The following SEL1L3 variants were observed in gnomAD, a reference collection of about 807,000 sequenced individuals.
The protein encoded by SEL1L3 is protein sel-1 homolog 3.
In SEL1L3, 76 loss-of-function variants were observed where a neutral mutation model predicts 142.8. The ratio of observed to expected loss-of-function variants is 0.53; its 90% confidence interval spans 0.44 to 0.64. The LOEUF is 0.64. Among genes scored for constraint, SEL1L3 ranks in the 30% least tolerant of loss-of-function variants. The pLI is 0.00. For missense variants in SEL1L3, 1,262 were observed against 1,381.7 expected (o/e 0.91, Z 1.37); for synonymous variants, 504 against 519.6 (o/e 0.97, Z 0.41).
At chr4:25,809,637 C>A (rs970403266) in intron 9 of SEL1L3, among the ~76,000 whole-genome samples, 1 of 152,074 alleles carries the variant, frequency 6.6e-6, no homozygotes, top group African/African-American at 2.4e-5. Context: ...TTCTTCTTTT[C>A]CTTCCCTCCT....
At chr4:25,764,196 T>C (rs192906310) in intron 20 of SEL1L3, among the ~76,000 whole-genome samples, 1 of 152,274 alleles carries the variant, frequency 6.6e-6, no homozygotes, top group Admixed American at 6.5e-5. Context: ...ACAAGCATTC[T>C]TCAAGTATCA....
intron 1 of SEL1L3, among the ~76,000 whole-genome samples, chr4:25,851,952 G>C (rs911973445): frequency 2.0e-5 from 3 of 151,082 alleles, no homozygotes; most frequent in African/African-American, 7.3e-5. Flanking sequence ...AGAGGGAATA[G>C]GAGAAGAGCT....
At chr4:25,823,865 C>T (rs1714927499) in intron 6 of SEL1L3, among the ~76,000 whole-genome samples, 2 of 152,114 alleles carry the variant, frequency 1.3e-5, no homozygotes, top group African/African-American at 2.4e-5. Context: ...AGGGTTATTT[C>T]AGAACGAGGG....
intron 9 of SEL1L3, among the ~76,000 whole-genome samples, chr4:25,808,596 C>T (rs1713762906): frequency 6.6e-6 from 1 of 151,966 alleles, no homozygotes; most frequent in Non-Finnish European, 1.5e-5. Flanking sequence ...AGGTGTAATG[C>T]ATCCAAGGTA....
chr4:25,788,157 C>G lies in SEL1L3; in HGVS notation c.2217+67G>C. ...ATCGACTCCCTGTTTGCCAGCCCGC[C>G]CACAGGAAACTGCTCAGGAGTCTGA... On this transcript the variant is annotated intron_variant, in intron 13 of 23. Coordinates refer to ENST00000399878, the MANE Select transcript of SEL1L3 (RefSeq NM_015187.5). The surrounding 1 kb of genome is among the most constrained non-coding windows in gnomAD (Gnocchi z 5.3). 2.0e-6 allele frequency: 3 copies of G among 1,537,756 alleles called. No homozygotes were observed. The highest frequency in any genetic ancestry group is 8.9e-7 in the Non-Finnish European group (1 of 1,126,232).
intron 23 of SEL1L3, among the ~76,000 whole-genome samples, chr4:25,757,100 T>TCTA (rs1363298971): frequency 6.6e-6 from 1 of 151,876 alleles, no homozygotes. Context: ...AAACCCCGTC[T>TCTA]CTACTAAAAA....
intron 1 of SEL1L3, among the ~76,000 whole-genome samples, chr4:25,858,301 G>A (rs557123467): frequency 2.0e-5 from 3 of 152,312 alleles, no homozygotes; most frequent in African/African-American, 7.2e-5. Flanking sequence ...GTTGATGTGA[G>A]GTTTGGGGAT....
rs185637772 is a variant in SEL1L3, at chr4:25,828,575, G to A, written c.1157+1523C>T. 3.0e-3 allele frequency among the ~76,000 whole-genome samples: 449 copies of A among 151,786 alleles called. 4 individuals carry two copies. Among genetic ancestry groups the A allele is most frequent in the African/African-American group, 9.4e-3 (391 of 41,376 alleles). Reference sequence around the variant, plus strand: ...AATTTTTTTATTTTTAGTAGAGATGGGGGTTTCACTATGTTGACCAGGCTG... The same window carrying A: ...AATTTTTTTATTTTTAGTAGAGATGAGGGTTTCACTATGTTGACCAGGCTG... On this transcript the variant is annotated intron_variant, in intron 6 of 23. Transcript: ENST00000399878.
chr4:25,828,802 G>A (rs562247101), intron 6 of SEL1L3, among the ~76,000 whole-genome samples: 9 of 152,144 alleles, frequency 5.9e-5, no homozygotes, highest in Admixed American at 3.9e-4. Flanking sequence ...TGGGTTGTGC[G>A]GGACTCTGCG....
intron 19 of SEL1L3, 132 bp downstream of exon 19, chr4:25,767,393 A>G: frequency 1.6e-6 from 1 of 644,838 alleles, no homozygotes. Flanking sequence ...CGATCTTAAT[A>G]GCAGAGATTT....
chr4:25,716,320 A>G, the SEL1L3 span, among the ~76,000 whole-genome samples: 111 of 152,328 alleles, frequency 7.3e-4, no homozygotes, highest in African/African-American at 2.5e-3. Flanking sequence ...TCATTTTACT[A>G]CAGTTGATTG....
At chr4:25,725,422 TCTC>T in the SEL1L3 span, among the ~76,000 whole-genome samples, 1 of 151,452 alleles carries the variant, frequency 6.6e-6, no homozygotes, top group Non-Finnish European at 1.5e-5. Context: ...ATCAAGCAAT[TCTC>T]CTGCCTCCGC....
the SEL1L3 span, chr4:25,720,464 C>T: frequency 6.6e-6 from 1 of 152,056 alleles, no homozygotes; most frequent in African/African-American, 2.4e-5. Context: ...CAGATAGTAT[C>T]GAAACTAATT....
intron 1 of SEL1L3, among the ~76,000 whole-genome samples, chr4:25,858,658 T>G (rs1425360599): frequency 6.6e-6 from 1 of 152,146 alleles, no homozygotes; most frequent in East Asian, 1.9e-4. Context: ...CGATCTCAGC[T>G]CACTGTAACC....
intron 11 of SEL1L3, among the ~76,000 whole-genome samples, chr4:25,795,347 T>C (rs1009830666): frequency 5.9e-5 from 9 of 152,216 alleles, no homozygotes; most frequent in Non-Finnish European, 1.0e-4. Context: ...CTAATTGCTG[T>C]TTAGAACGTT....
chr4:25,830,004 G>T, intron 6 of SEL1L3, 94 bp downstream of exon 6: 1 of 766,230 alleles, frequency 1.3e-6, no homozygotes, highest in Non-Finnish European at 2.3e-6. Context: ...TGAATGAAGA[G>T]ATGTGGAATA....
chr4:25,732,664 GC>G, the SEL1L3 span, among the ~76,000 whole-genome samples: 1 of 151,770 alleles, frequency 6.6e-6, no homozygotes, highest in African/African-American at 2.4e-5. Context: ...TTTGCCTCCC[GC>G]CCCACCACAT....
chr4:25,761,284 T>C (rs1165993619), intron 20 of SEL1L3, among the ~76,000 whole-genome samples: 1 of 152,074 alleles, frequency 6.6e-6, no homozygotes, highest in Non-Finnish European at 1.5e-5. Flanking sequence ...GCCTCCTGAG[T>C]AGCTGGGATT....
the SEL1L3 span, among the ~76,000 whole-genome samples, chr4:25,730,380 G>A: frequency 4.0e-5 from 6 of 151,744 alleles, no homozygotes; most frequent in African/African-American, 1.2e-4. Context: ...TCTGGATATC[G>A]ATGGGGATGC....
Sources: allele counts gnomAD v4.1 joint callset (sites outside exome capture counted in the v4.1 genomes callset), GRCh38; gene constraint gnomAD v4.1.1; non-coding constraint Gnocchi (gnomAD v3.1); transcripts MANE v1.5; gene names NCBI Gene and HGNC (gene_info 2026-07-23, HGNC 2026-07-21).